FOXN3: variants seen among roughly 807,000 people sequenced by gnomAD.
The protein encoded by FOXN3 is forkhead box protein N3.
Under a neutral mutation model 38.4 loss-of-function variants are expected in FOXN3, and 7 were observed. That is an observed-to-expected ratio of 0.18 (90% CI 0.10 to 0.34). The LOEUF is 0.34. Ranked by LOEUF, FOXN3 falls within the 10% of genes least tolerant of loss-of-function variation. FOXN3 has a pLI of 1.00. For synonymous variants in FOXN3, 230 were observed against 242.2 expected, an observed-to-expected ratio of 0.95 and a Z score of 0.47; for missense variants, 456 against 613.4, an observed-to-expected ratio of 0.74 and a Z score of 2.71.
At chr14:89,602,485 ATTTTTTTCT>A (rs1356243596) in intron 1 of FOXN3, among the ~76,000 whole-genome samples, 6 of 151,332 alleles carry the variant, frequency 4.0e-5, no homozygotes, top group African/African-American at 9.7e-5. Context: ...GGTAGGTGAC[ATTTTTTTCT>A]TTTTTTTCTT....
At chr14:89,608,248 G>A (rs566477806) in intron 1 of FOXN3, among the ~76,000 whole-genome samples, 2 of 152,372 alleles carry the variant, frequency 1.3e-5, no homozygotes, top group South Asian at 2.1e-4. Flanking sequence ...TGCCCACCTC[G>A]GCCTCCCAAA....
intron 1 of FOXN3, among the ~76,000 whole-genome samples, chr14:89,618,301 T>C (rs1482281998): frequency 1.3e-5 from 2 of 152,176 alleles, no homozygotes; most frequent in African/African-American, 4.8e-5. Context: ...GGAGAAAGAT[T>C]GCATTTCCCT....
intron 1 of FOXN3, among the ~76,000 whole-genome samples, chr14:89,509,366 G>T (rs142893360): frequency 6.6e-6 from 1 of 151,946 alleles, no homozygotes; most frequent in African/African-American, 2.4e-5. Flanking sequence ...ATGGAGTCTT[G>T]TTCTATTGCC....
chr14:89,372,300 A>T (rs1890341315), intron 2 of FOXN3, among the ~76,000 whole-genome samples: 2 of 152,222 alleles, frequency 1.3e-5, no homozygotes, highest in African/African-American at 4.8e-5. Context: ...GTAAGCTTTG[A>T]AACATGAAAA....
intron 5 of FOXN3, among the ~76,000 whole-genome samples, chr14:89,177,746 T>C (rs1422182935): frequency 2.0e-5 from 3 of 151,958 alleles, no homozygotes; most frequent in Non-Finnish European, 4.4e-5. Context: ...CAAACCCAGT[T>C]TGCAGTTTTT....
At chr14:89,304,313 GAAGGGGCGGT>G (rs944906727) in intron 3 of FOXN3, among the ~76,000 whole-genome samples, 2 of 152,290 alleles carry the variant, frequency 1.3e-5, no homozygotes, top group Admixed American at 6.5e-5. Flanking sequence ...GAAGGGGCGG[GAAGGGGCGGT>G]AAGGTTAGCA....
chr14:89,588,635 T>C (rs1319439953), intron 1 of FOXN3, among the ~76,000 whole-genome samples: 1 of 152,140 alleles, frequency 6.6e-6, no homozygotes, highest in East Asian at 1.9e-4. Context: ...CCCAACCAAA[T>C]ACTGGAAAGG....
chr14:89,465,464 G>A (rs370903134), intron 1 of FOXN3, among the ~76,000 whole-genome samples: 31 of 151,870 alleles, frequency 2.0e-4, no homozygotes, highest in African/African-American at 6.8e-4. Flanking sequence ...TCTTGACCTC[G>A]TGATCCACCC....
intron 3 of FOXN3, among the ~76,000 whole-genome samples, chr14:89,339,792 C>T (rs547303228): frequency 1.1e-3 from 160 of 152,360 alleles, no homozygotes; most frequent in Non-Finnish European, 2.0e-3. Flanking sequence ...GGGCCACTCC[C>T]CTGCAAATGC....
chr14:89,561,511 G>A (rs371296468), intron 1 of FOXN3, among the ~76,000 whole-genome samples: 15 of 152,264 alleles, frequency 9.9e-5, no homozygotes, highest in African/African-American at 2.2e-4. Flanking sequence ...CACGCTTGAC[G>A]GGTACTTAGT....
chr14:89,258,790 G>A (rs1024293105), intron 4 of FOXN3, among the ~76,000 whole-genome samples: 2 of 152,218 alleles, frequency 1.3e-5, no homozygotes, highest in Non-Finnish European at 2.9e-5. Context: ...TTTAAAACGA[G>A]TATGAAGGTT....
chr14:89,616,923 G>T (rs1307663111), intron 1 of FOXN3, among the ~76,000 whole-genome samples: 1 of 152,224 alleles, frequency 6.6e-6, no homozygotes, highest in African/African-American at 2.4e-5. Context: ...ACCTTGATTT[G>T]ACAGGCGCGA....
chr14:89,611,672 A>G (rs1047195134), intron 1 of FOXN3, among the ~76,000 whole-genome samples: 20 of 152,200 alleles, frequency 1.3e-4, no homozygotes, highest in African/African-American at 2.4e-4. Context: ...CGGGCATGGC[A>G]GCGGGTGCCT....
chr14:89,273,979 C>T (rs1357352893), intron 4 of FOXN3, among the ~76,000 whole-genome samples: 1 of 151,904 alleles, frequency 6.6e-6, no homozygotes, highest in Non-Finnish European at 1.5e-5. Context: ...ATGTGTATGC[C>T]TGAGGGTGAG....
chr14:89,200,502 C>T (rs935267362), intron 4 of FOXN3, among the ~76,000 whole-genome samples: 6 of 152,138 alleles, frequency 3.9e-5, no homozygotes, highest in East Asian at 1.9e-4. Flanking sequence ...GGAAGCTCTC[C>T]GGGCCTCTCA....
In FOXN3 at chr14:89,282,968, TCTGTGGTG is replaced by T. The variant is rs553911626; in HGVS notation, c.681-1962_681-1955del. ...CTGATCACCACTGTTCTATGGTCAA[TCTGTGGTG>T]CTGTGGAACTTATCTGTACTCTAGT... is the stretch of plus-strand genomic sequence containing the variant. On this transcript the variant is annotated intron_variant, in intron 3 of 5. Transcript: ENST00000557258. Among the ~76,000 whole-genome samples, 70 of 152,356 alleles carry T rather than the reference TCTGTGGTG, an allele frequency of 4.6e-4. No individual in the cohort carries two copies. In the East Asian group the frequency reaches 9.6e-3, roughly 21 times the overall value.
At chr14:89,357,514 A>G (rs1410016821) in intron 2 of FOXN3, among the ~76,000 whole-genome samples, 1 of 152,070 alleles carries the variant, frequency 6.6e-6, no homozygotes, top group African/African-American at 2.4e-5. Flanking sequence ...AGCCTGAGGC[A>G]AGAGAATCGC....
chr14:89,331,673 G>T (rs1888251608), intron 3 of FOXN3, among the ~76,000 whole-genome samples: 1 of 152,056 alleles, frequency 6.6e-6, no homozygotes, highest in Admixed American at 6.6e-5. Context: ...GCGTATTTTT[G>T]GCCACCATTT....
intron 3 of FOXN3, among the ~76,000 whole-genome samples, chr14:89,329,552 C>T (rs1439724046): frequency 3.9e-5 from 6 of 152,078 alleles, no homozygotes; most frequent in Non-Finnish European, 7.4e-5. Context: ...GACAGCCTCT[C>T]ACAATAAACA....
Sources: allele counts gnomAD v4.1 joint callset (sites outside exome capture counted in the v4.1 genomes callset), GRCh38; gene constraint gnomAD v4.1.1; transcripts MANE v1.5; gene names NCBI Gene and HGNC (gene_info 2026-07-23, HGNC 2026-07-21).